Variants in VMP1 observed in about 807,000 individuals in gnomAD.
The protein encoded by VMP1 is ectopic P-granules autophagy protein 3 homolog.
A neutral mutation model predicts 56.0 loss-of-function variants in VMP1; 11 were observed. The observed-to-expected ratio is 0.20, with a 90% CI of 0.12 to 0.32. VMP1 has a LOEUF of 0.32. Among genes scored for constraint, VMP1 ranks in the 10% least tolerant of loss-of-function variants. The probability of loss-of-function intolerance (pLI) is 1.00; values close to 1 mark genes in which losing one functional copy is unlikely to be tolerated. For missense variants in VMP1, 296 were observed against 490.3 expected, an observed-to-expected ratio of 0.60 and a Z score of 3.74; for synonymous variants, 149 against 165.0, an observed-to-expected ratio of 0.90 and a Z score of 0.74.
intron 7 of VMP1, among the ~76,000 whole-genome samples, chr17:59,807,684 T>C (rs1008001982): frequency 2.0e-5 from 3 of 151,738 alleles, no homozygotes; most frequent in Non-Finnish European, 4.4e-5. Context: ...AATACAAAAT[T>C]AGCTGGGCGT....
intron 9 of VMP1, among the ~76,000 whole-genome samples, chr17:59,814,007 GTC>G (rs1298374292): frequency 2.0e-5 from 3 of 151,856 alleles, no homozygotes; most frequent in Non-Finnish European, 2.9e-5. Flanking sequence ...TTGAGATGGA[GTC>G]TCTCTCTGTC....
In VMP1 at chr17:59,737,436, TTTTA is replaced by T. The variant is rs752642708; in HGVS notation, c.213-13_213-10del. 9 of 1,597,702 alleles carry T rather than the reference TTTTA, an allele frequency of 5.6e-6. No individual in the cohort carries two copies. Among genetic ancestry groups the T allele is most frequent in the Non-Finnish European group, 7.7e-6 (9 of 1,175,076 alleles). On this transcript the variant is annotated splice_polypyrimidine_tract_variant and intron_variant, in intron 3 of 11. Transcript: ENST00000262291. ...AGTGAGACTGTGAGATATTTATTTT[TTTTA>T]TTTGTTTTTAAGATTATGGCATCGT...
chr17:59,732,526 A>G (rs1285740144), intron 2 of VMP1, among the ~76,000 whole-genome samples: 1 of 146,108 alleles, frequency 6.8e-6, no homozygotes, highest in African/African-American at 2.4e-5. Flanking sequence ...TACAGGCATG[A>G]GCCACCGCGC....
intron 7 of VMP1, among the ~76,000 whole-genome samples, chr17:59,792,277 A>G (rs143092346): frequency 5.4e-4 from 82 of 152,202 alleles, no homozygotes; most frequent in African/African-American, 1.9e-3. Context: ...GTCTGTCTCA[A>G]AATCAAAAAA....
At chr17:59,825,785 T>C (rs2038629178) in intron 10 of VMP1, among the ~76,000 whole-genome samples, 2 of 152,370 alleles carry the variant, frequency 1.3e-5, no homozygotes, top group South Asian at 4.1e-4. Flanking sequence ...GCTAACTTGA[T>C]GCTTGACCTC....
chr17:59,744,440 C>T (rs1371491485), intron 5 of VMP1, among the ~76,000 whole-genome samples: 2 of 91,620 alleles, frequency 2.2e-5, no homozygotes, highest in African/African-American at 9.1e-5. Flanking sequence ...CCGGCCTGGG[C>T]AACAAGAGCG....
intron 6 of VMP1, among the ~76,000 whole-genome samples, chr17:59,769,154 CTTT>C (rs61495451): frequency 1.6e-4 from 22 of 137,686 alleles, no homozygotes; most frequent in South Asian, 2.4e-4. Context: ...AAAATGAAAA[CTTT>C]TTTTTTTTTT....
chr17:59,786,770 TG>T (rs1344084417), intron 7 of VMP1, among the ~76,000 whole-genome samples: 2 of 152,216 alleles, frequency 1.3e-5, no homozygotes, highest in Non-Finnish European at 2.9e-5. Flanking sequence ...TTGCAGTAAC[TG>T]TTATGGTTTG....
intron 7 of VMP1, among the ~76,000 whole-genome samples, chr17:59,804,447 C>T (rs943072019): frequency 1.3e-5 from 2 of 151,640 alleles, no homozygotes; most frequent in African/African-American, 2.4e-5. Context: ...AACTCTATCT[C>T]TACTAAAAAT....
intron 9 of VMP1, among the ~76,000 whole-genome samples, chr17:59,813,773 ACTT>A (rs1350089444): frequency 1.3e-5 from 2 of 152,146 alleles, no homozygotes; most frequent in Non-Finnish European, 2.9e-5. Context: ...CATAACAAGA[ACTT>A]CTCTAGTAAT....
At chr17:59,752,113 T>C (rs2035677198) in intron 5 of VMP1, among the ~76,000 whole-genome samples, 1 of 152,206 alleles carries the variant, frequency 6.6e-6, no homozygotes, top group African/African-American at 2.4e-5. Context: ...GTATCCGGCC[T>C]CACTTTTTCT....
At chr17:59,763,706 T>A (rs1266583819) in intron 5 of VMP1, among the ~76,000 whole-genome samples, 1 of 152,204 alleles carries the variant, frequency 6.6e-6, no homozygotes, top group East Asian at 1.9e-4. Context: ...CCACAGATTC[T>A]TTCATCAAGT....
At chr17:59,735,682 G>A in intron 3 of VMP1, 1 of 526,222 alleles carries the variant, frequency 1.9e-6, no homozygotes. Flanking sequence ...TTGCTTACTG[G>A]ATTATCACAG....
At chr17:59,732,147 CA>C (rs2034848783) in intron 2 of VMP1, among the ~76,000 whole-genome samples, 1 of 152,030 alleles carries the variant, frequency 6.6e-6, no homozygotes, top group Non-Finnish European at 1.5e-5. Context: ...ACATCTCAAA[CA>C]CATGGCAAAT....
At chr17:59,752,727 C>T (rs2143916397) in intron 5 of VMP1, among the ~76,000 whole-genome samples, 1 of 152,204 alleles carries the variant, frequency 6.6e-6, no homozygotes, top group South Asian at 2.1e-4. Context: ...GAATAAATAA[C>T]TTATGGATTA....
intron 6 of VMP1, among the ~76,000 whole-genome samples, chr17:59,773,326 A>G (rs1439296321): frequency 2.0e-5 from 3 of 152,236 alleles, no homozygotes; most frequent in Admixed American, 2.0e-4. Context: ...AATGATAAAA[A>G]TAACAGAGTC....
intron 5 of VMP1, among the ~76,000 whole-genome samples, chr17:59,745,861 GA>G (rs542407942): frequency 1.3e-5 from 2 of 152,026 alleles, no homozygotes. Flanking sequence ...AATTTTAACA[GA>G]AAAAAATGTA....
At chr17:59,714,308 C>CT (rs1295786339) in intron 1 of VMP1, among the ~76,000 whole-genome samples, 2 of 151,984 alleles carry the variant, frequency 1.3e-5, no homozygotes, top group Non-Finnish European at 2.9e-5. Flanking sequence ...GCAACCAGTC[C>CT]TACCCCCATG....
intron 8 of VMP1, 136 bp downstream of exon 8, chr17:59,809,012 T>C (rs1415113932): frequency 8.2e-6 from 6 of 732,296 alleles, no homozygotes; most frequent in Non-Finnish European, 1.3e-5. Flanking sequence ...CCTTTTTTTT[T>C]TTTTAAGACG....
Sources: allele counts gnomAD v4.1 joint callset (sites outside exome capture counted in the v4.1 genomes callset), GRCh38; gene constraint gnomAD v4.1.1; transcripts MANE v1.5; gene names NCBI Gene and HGNC (gene_info 2026-07-23, HGNC 2026-07-21).